CSTPP1: variants seen among roughly 807,000 people sequenced by gnomAD.
The protein encoded by CSTPP1 is centriolar satellite-associated tubulin polyglutamylase complex regulator 1.
At chr11:46,962,831 G>C in the CSTPP1 span, among the ~76,000 whole-genome samples, 1 of 152,058 alleles carries the variant, frequency 6.6e-6, no homozygotes, top group Non-Finnish European at 1.5e-5. Flanking sequence ...GTGCTCACCT[G>C]TAGTCCCAGC....
the CSTPP1 span, among the ~76,000 whole-genome samples, chr11:47,003,971 T>C: frequency 9.2e-5 from 14 of 152,166 alleles, no homozygotes; most frequent in Admixed American, 2.0e-4. Context: ...ACATGCAAGA[T>C]GTCTGGCTAT....
chr11:47,016,128 A>G, the CSTPP1 span, among the ~76,000 whole-genome samples: 3 of 152,072 alleles, frequency 2.0e-5, no homozygotes, highest in African/African-American at 7.2e-5. Context: ...AACAACAACA[A>G]AGACCACCTA....
the CSTPP1 span, among the ~76,000 whole-genome samples, chr11:47,017,235 C>T: frequency 0.087 from 12,552 of 143,840 alleles, 1,860 homozygotes; most frequent in African/African-American, 0.31. Context: ...AGTGCAGTGG[C>T]GCAATCTTGG....
At chr11:47,051,150 A>C in the CSTPP1 span, among the ~76,000 whole-genome samples, 1 of 151,996 alleles carries the variant, frequency 6.6e-6, no homozygotes, top group East Asian at 1.9e-4. Context: ...TGGCATTTGG[A>C]ATTACCATCG....
the CSTPP1 span, among the ~76,000 whole-genome samples, chr11:47,150,876 T>C: frequency 1.5e-5 from 2 of 137,090 alleles, no homozygotes; most frequent in Non-Finnish European, 3.1e-5. Context: ...ATGGGAAGAC[T>C]GTGAAGGTTT....
At chr11:47,067,167 T>C in the CSTPP1 span, among the ~76,000 whole-genome samples, 1 of 152,220 alleles carries the variant, frequency 6.6e-6, no homozygotes, top group African/African-American at 2.4e-5. Flanking sequence ...GATCTTTTTT[T>C]AGCTTTACTA....
chr11:47,152,354 G>C, the CSTPP1 span, among the ~76,000 whole-genome samples: 1 of 152,116 alleles, frequency 6.6e-6, no homozygotes, highest in African/African-American at 2.4e-5. Flanking sequence ...CTTCTGCAAC[G>C]GCCCATCTCC....
the CSTPP1 span, among the ~76,000 whole-genome samples, chr11:47,116,115 G>T: frequency 6.6e-6 from 1 of 152,180 alleles, no homozygotes; most frequent in Non-Finnish European, 1.5e-5. Flanking sequence ...TTTCCATGTA[G>T]TTGTGCAGTT....
the CSTPP1 span, among the ~76,000 whole-genome samples, chr11:46,994,005 T>C: frequency 6.6e-6 from 1 of 152,156 alleles, no homozygotes; most frequent in East Asian, 1.9e-4. Context: ...CCCTTGTAAG[T>C]TGGATTCCTG....
At chr11:46,993,523 T>C in the CSTPP1 span, among the ~76,000 whole-genome samples, 1 of 152,152 alleles carries the variant, frequency 6.6e-6, no homozygotes, top group Admixed American at 6.5e-5. Flanking sequence ...GAACCATTTA[T>C]TAAATAGGGA....
chr11:47,064,207 C>T, the CSTPP1 span, among the ~76,000 whole-genome samples: 4 of 152,160 alleles, frequency 2.6e-5, no homozygotes, highest in East Asian at 7.7e-4. Context: ...TTCATGTATT[C>T]TGGATATTCA....
the CSTPP1 span, among the ~76,000 whole-genome samples, chr11:46,966,612 T>A: frequency 5.9e-5 from 9 of 152,240 alleles, no homozygotes; most frequent in East Asian, 1.5e-3. Context: ...AAATGGTGTT[T>A]TATAAAAAAA....
At chr11:47,006,419 T>C in the CSTPP1 span, among the ~76,000 whole-genome samples, 1 of 152,222 alleles carries the variant, frequency 6.6e-6, no homozygotes, top group Non-Finnish European at 1.5e-5. Flanking sequence ...TCTTTGGTTT[T>C]TGATAGTTTT....
At chr11:46,960,666 C>G in the CSTPP1 span, among the ~76,000 whole-genome samples, 2 of 152,102 alleles carry the variant, frequency 1.3e-5, no homozygotes, top group Non-Finnish European at 2.9e-5. Context: ...GCCTGGCCAA[C>G]ATGGTGAAAC....
the CSTPP1 span, among the ~76,000 whole-genome samples, chr11:47,162,838 T>G: frequency 3.9e-5 from 6 of 152,124 alleles, no homozygotes; most frequent in Non-Finnish European, 8.8e-5. Context: ...TTACAGGAAC[T>G]GCCTCCCAAA....
the CSTPP1 span, among the ~76,000 whole-genome samples, chr11:46,990,183 C>T: frequency 6.6e-6 from 1 of 152,182 alleles, no homozygotes; most frequent in Non-Finnish European, 1.5e-5. Flanking sequence ...CAAATTGTAG[C>T]TCTGTTTTAA....
At chr11:46,982,293 A>C in the CSTPP1 span, among the ~76,000 whole-genome samples, 1 of 152,088 alleles carries the variant, frequency 6.6e-6, no homozygotes, top group Non-Finnish European at 1.5e-5. Context: ...GGGGGGAAAA[A>C]GTCAGGTTTA....
At chr11:47,103,719 G>A in the CSTPP1 span, 1 of 144,796 alleles carries the variant, frequency 6.9e-6, no homozygotes, top group African/African-American at 2.6e-5. Context: ...CTCTTGCCTA[G>A]GCTGGAGTAA....
the CSTPP1 span, chr11:47,155,397 T>A: frequency 8.7e-6 from 7 of 805,198 alleles, no homozygotes; most frequent in South Asian, 1.0e-4. Context: ...TCACTGCGGG[T>A]CGCTAACAGG....
Sources: allele counts gnomAD v4.1 joint callset (sites outside exome capture counted in the v4.1 genomes callset), GRCh38; gene constraint gnomAD v4.1.1; transcripts MANE v1.5; gene names NCBI Gene and HGNC (gene_info 2026-07-23, HGNC 2026-07-21).